Variants in CADPS observed in about 807,000 individuals in gnomAD.
CADPS encodes calcium dependent secretion activator.
Under a neutral mutation model 167.3 loss-of-function variants are expected in CADPS, and 57 were observed. The ratio of observed to expected loss-of-function variants is 0.34; its 90% confidence interval spans 0.28 to 0.42. CADPS has a LOEUF of 0.42. CADPS is among the 20% of genes least tolerant of loss of function. CADPS has a pLI of 1.00. For synonymous variants in CADPS, 676 were observed against 635.3 expected, an observed-to-expected ratio of 1.06 and a Z score of -0.96; for missense variants, 1,414 against 1,738.1, an observed-to-expected ratio of 0.81 and a Z score of 3.32.
intron 1 of CADPS, among the ~76,000 whole-genome samples, chr3:62,873,967 C>T (rs2083146536): frequency 6.6e-6 from 1 of 152,206 alleles, no homozygotes; most frequent in African/African-American, 2.4e-5. Context: ...CGACGCTAGT[C>T]GGTGATCAGC....
intron 1 of CADPS, among the ~76,000 whole-genome samples, chr3:62,816,828 T>C (rs894791954): frequency 1.3e-5 from 2 of 152,186 alleles, no homozygotes; most frequent in Non-Finnish European, 2.9e-5. Flanking sequence ...CTAATCCCCC[T>C]AGTTTTCAAA....
intron 28 of CADPS, among the ~76,000 whole-genome samples, chr3:62,414,900 C>T (rs1453418768): frequency 1.3e-5 from 2 of 152,266 alleles, no homozygotes; most frequent in Non-Finnish European, 2.9e-5. Flanking sequence ...ACCCACTCTC[C>T]CCTCAAAGTA....
chr3:62,767,533 G>A (rs2087236203), intron 1 of CADPS, among the ~76,000 whole-genome samples: 1 of 152,070 alleles, frequency 6.6e-6, no homozygotes, highest in Non-Finnish European at 1.5e-5. Context: ...AGAAAATAAA[G>A]TTTAAAGCTT....
chr3:62,670,265 A>G (rs1006318216), intron 3 of CADPS, among the ~76,000 whole-genome samples: 1 of 152,132 alleles, frequency 6.6e-6, no homozygotes, highest in African/African-American at 2.4e-5. Context: ...TGAAATCTGC[A>G]GCCTTGCCAT....
At chr3:62,806,240 T>C (rs1195711593) in intron 1 of CADPS, among the ~76,000 whole-genome samples, 4 of 151,976 alleles carry the variant, frequency 2.6e-5, no homozygotes, top group Non-Finnish European at 5.9e-5. Context: ...AGTAATTACG[T>C]TGTGTACATA....
At chr3:62,669,044 T>G (rs2075029379) in intron 3 of CADPS, among the ~76,000 whole-genome samples, 1 of 152,208 alleles carries the variant, frequency 6.6e-6, no homozygotes, top group Admixed American at 6.5e-5. Context: ...AATCAGTCTC[T>G]TTCCTGATTA....
At chr3:62,858,199 G>A (rs1055410328) in intron 1 of CADPS, among the ~76,000 whole-genome samples, 2 of 152,138 alleles carry the variant, frequency 1.3e-5, no homozygotes, top group Non-Finnish European at 2.9e-5. Flanking sequence ...GCTTAATGGT[G>A]TATGTGGCCC....
intron 1 of CADPS, among the ~76,000 whole-genome samples, chr3:62,818,670 C>G (rs2094742854): frequency 6.6e-6 from 1 of 152,222 alleles, no homozygotes; most frequent in Admixed American, 6.5e-5. Flanking sequence ...GGCAACTTCT[C>G]TGCTAGCTAT....
At chr3:62,576,050 A>G (rs1377531853) in intron 8 of CADPS, among the ~76,000 whole-genome samples, 1 of 152,196 alleles carries the variant, frequency 6.6e-6, no homozygotes, top group Non-Finnish European at 1.5e-5. Flanking sequence ...CAGTACCTGG[A>G]GCAGATGGAA....
At chr3:62,678,684 C>T (rs1299000872) in intron 3 of CADPS, among the ~76,000 whole-genome samples, 1 of 152,104 alleles carries the variant, frequency 6.6e-6, no homozygotes, top group Non-Finnish European at 1.5e-5. Context: ...AGCCTAAATG[C>T]ATGCCTATTA....
chr3:62,773,444 G>C (rs1447564581), intron 1 of CADPS, among the ~76,000 whole-genome samples: 1 of 152,108 alleles, frequency 6.6e-6, no homozygotes, highest in East Asian at 1.9e-4. Flanking sequence ...TGAAATGCAA[G>C]TTGAAGGGGG....
chr3:62,493,258 A>T (rs1027767434), intron 19 of CADPS, among the ~76,000 whole-genome samples: 2 of 152,198 alleles, frequency 1.3e-5, no homozygotes, highest in African/African-American at 4.8e-5. Flanking sequence ...TGTGAATTCA[A>T]TTCAAAGGCA....
chr3:62,543,535 C>CAAGAA (rs530719123), intron 11 of CADPS, among the ~76,000 whole-genome samples: 16 of 151,972 alleles, frequency 1.1e-4, no homozygotes, highest in Non-Finnish European at 2.2e-4. Flanking sequence ...ATCAGACATT[C>CAAGAA]AAGAAAAGTA....
At chr3:62,451,979 G>A (rs1333968458) in intron 26 of CADPS, among the ~76,000 whole-genome samples, 2 of 152,100 alleles carry the variant, frequency 1.3e-5, no homozygotes, top group Admixed American at 6.5e-5. Flanking sequence ...CTCATATCTA[G>A]AATGTAGGTG....
chr3:62,609,672 C>A (rs1038753635), intron 6 of CADPS, among the ~76,000 whole-genome samples: 1 of 152,080 alleles, frequency 6.6e-6, no homozygotes, highest in Non-Finnish European at 1.5e-5. Context: ...TAGTAAAGAT[C>A]GAATTAGATA....
At chr3:62,739,914 T>C (rs1164507463) in intron 3 of CADPS, among the ~76,000 whole-genome samples, 1 of 152,266 alleles carries the variant, frequency 6.6e-6, no homozygotes, top group Non-Finnish European at 1.5e-5. Flanking sequence ...GCCTGTATCT[T>C]ACTAGTCATC....
At chr3:62,699,458 C>A (rs1054770189) in intron 3 of CADPS, among the ~76,000 whole-genome samples, 1 of 152,100 alleles carries the variant, frequency 6.6e-6, no homozygotes, top group Non-Finnish European at 1.5e-5. Context: ...GAGGTGTGAC[C>A]TAGACGTGGT....
intron 6 of CADPS, among the ~76,000 whole-genome samples, chr3:62,628,687 T>C (rs1032085279): frequency 6.6e-6 from 1 of 151,262 alleles, no homozygotes; most frequent in African/African-American, 2.4e-5. Flanking sequence ...AGTGCAGTAG[T>C]GCAATCTTGG....
In CADPS at chr3:62,518,196, G is replaced by T. The variant is rs1365095572; in HGVS notation, c.2346C>A (p.Ile782=). ...TVEEKERFEE[I]KERLRVLLEN... Reference sequence around the variant, plus strand: ...CTAGCAGAACTCGGAGCCTCTCTTTGATTTCTTCAAAACGTTCCTTTTCTT... The same window carrying T: ...CTAGCAGAACTCGGAGCCTCTCTTTTATTTCTTCAAAACGTTCCTTTTCTT... The change falls in exon 14 of 30, where the codon ATC becomes ATA. Residue 782 remains isoleucine, a synonymous_variant. Coordinates refer to ENST00000383710, the MANE Select transcript of CADPS (RefSeq NM_003716.4). The T allele has an allele frequency of 1.9e-6, 3 of 1,612,612 alleles. No individual in the cohort carries two copies. The highest frequency in any genetic ancestry group is 1.3e-5 in the African/African-American group (1 of 74,820).
Sources: gnomAD v4.1 joint callset for allele counts (sites outside exome capture counted in the v4.1 genomes callset) on GRCh38, gnomAD v4.1.1 for gene constraint, MANE v1.5 for transcripts, NCBI Gene and HGNC (gene_info 2026-07-23, HGNC 2026-07-21) for gene names.